Variants in CYP2C19 observed in about 807,000 individuals in gnomAD.
The protein encoded by CYP2C19 is cytochrome P450 2C19.
CYP2C19 carries 59 observed loss-of-function variants against 40.9 expected under a neutral mutation model. The observed-to-expected ratio is 1.44, with a 90% confidence interval of 1.17 to 1.79. The LOEUF is 1.79. CYP2C19 is among the 40% of genes most tolerant of loss of function. CYP2C19 has a pLI of 0.00. For synonymous variants in CYP2C19, 253 were observed against 208.7 expected, an observed-to-expected ratio of 1.21 and a Z score of -1.83; for missense variants, 754 against 596.9, an observed-to-expected ratio of 1.26 and a Z score of -2.74.
At chr10:94,800,472 C>T (rs369611873) in intron 5 of CYP2C19, among the ~76,000 whole-genome samples, 8 of 152,332 alleles carry the variant, frequency 5.3e-5, no homozygotes, top group South Asian at 4.1e-4. Context: ...TTAGGCTACA[C>T]GGGGTTCAGG....
intron 6 of CYP2C19, 88 bp downstream of exon 6, chr10:94,820,725 A>G (rs1849104731): frequency 6.6e-7 from 1 of 1,524,568 alleles, no homozygotes; most frequent in South Asian, 1.1e-5. Flanking sequence ...TCTCTTAGAG[A>G]AGTTCCATTA....
chr10:94,821,208 T>C (rs1243918723), intron 6 of CYP2C19, among the ~76,000 whole-genome samples: 1 of 152,196 alleles, frequency 6.6e-6, no homozygotes, highest in Admixed American at 6.5e-5. Context: ...TGGCCCAGTG[T>C]GTCTGGATTT....
chr10:94,804,547 T>C (rs377694040), intron 5 of CYP2C19, among the ~76,000 whole-genome samples: 7 of 152,358 alleles, frequency 4.6e-5, no homozygotes, highest in African/African-American at 1.7e-4. Flanking sequence ...CCTCTCAGCA[T>C]GTTCAAGCCT....
intron 6 of CYP2C19, among the ~76,000 whole-genome samples, chr10:94,827,648 T>C (rs1010601757): frequency 6.6e-6 from 1 of 152,228 alleles, no homozygotes; most frequent in South Asian, 2.1e-4. Flanking sequence ...AAGGGTCTTT[T>C]GTGTGTCTCT....
Position 94,780,532 on chromosome 10 carries a change from G to C in CYP2C19, c.515G>C (p.Cys172Ser). Residue 172 changes from cysteine (C) to serine (S), a missense_variant, in exon 4 of 9, where the codon TGT (cysteine) becomes TCT (serine). Physicochemically the swap from Cys to Ser is moderately radical, Grantham distance 112 (BLOSUM62 -1). Coordinates refer to ENST00000371321, the MANE Select transcript of CYP2C19 (RefSeq NM_000769.4). Reference sequence around the variant, plus strand: ...TGTGATCCCACTTTCATCCTGGGCTGTGCTCCCTGCAATGTGATCTGCTCC... The same window carrying C: ...TGTGATCCCACTTTCATCCTGGGCTCTGCTCCCTGCAATGTGATCTGCTCC... ...SPCDPTFILG[C>S]APCNVICSII... 3 of 1,613,734 alleles carry C rather than the reference G, an allele frequency of 1.9e-6. No homozygotes were observed. The highest frequency in any genetic ancestry group is 1.1e-5 in the South Asian group (1 of 91,066).
At chr10:94,803,377 T>C (rs979658449) in intron 5 of CYP2C19, among the ~76,000 whole-genome samples, 7 of 152,220 alleles carry the variant, frequency 4.6e-5, no homozygotes, top group Non-Finnish European at 4.4e-5. Context: ...CAGTTTGACA[T>C]ACATGTCAGT....
At chr10:94,830,687 T>G (rs913547195) in intron 6 of CYP2C19, among the ~76,000 whole-genome samples, 1 of 152,180 alleles carries the variant, frequency 6.6e-6, no homozygotes, top group Non-Finnish European at 1.5e-5. Flanking sequence ...TCCCCACATT[T>G]CATTATTTTT....
At chr10:94,845,287 T>C (rs754488519) in intron 7 of CYP2C19, among the ~76,000 whole-genome samples, 31 of 152,218 alleles carry the variant, frequency 2.0e-4, no homozygotes, top group Non-Finnish European at 3.5e-4. Context: ...AAAGCAGTCA[T>C]AGACAATGTA....
intron 6 of CYP2C19, 44 bp from the exon 7 acceptor site, chr10:94,842,793 C>T (rs1367316574): frequency 1.3e-6 from 2 of 1,597,232 alleles, no homozygotes; most frequent in South Asian, 1.1e-5. Context: ...AACAAATGTT[C>T]CATTTCTCTC....
At chr10:94,763,743 G>C (rs947536240) in intron 1 of CYP2C19, among the ~76,000 whole-genome samples, 1 of 151,974 alleles carries the variant, frequency 6.6e-6, no homozygotes, top group African/African-American at 2.4e-5. Context: ...GGAGAGCAGT[G>C]TTTGAAGGCC....
At chr10:94,783,065 A>G (rs1413704616) in intron 5 of CYP2C19, among the ~76,000 whole-genome samples, 4 of 152,174 alleles carry the variant, frequency 2.6e-5, no homozygotes, top group Admixed American at 2.6e-4. Context: ...CTATTTAACA[A>G]TCCTGCACGT....
At chr10:94,769,630 A>G (rs1848299728) in intron 1 of CYP2C19, among the ~76,000 whole-genome samples, 1 of 152,186 alleles carries the variant, frequency 6.6e-6, no homozygotes, top group Non-Finnish European at 1.5e-5. Context: ...GGGGTGTCGC[A>G]GGGACTGCTG....
chr10:94,825,356 G>C (rs1457919497), intron 6 of CYP2C19, among the ~76,000 whole-genome samples: 1 of 148,578 alleles, frequency 6.7e-6, no homozygotes, highest in African/African-American at 2.5e-5. Flanking sequence ...ATTCTAACTG[G>C]TGTGAGATGG....
At chr10:94,807,615 T>C (rs1848853061) in intron 5 of CYP2C19, among the ~76,000 whole-genome samples, 1 of 152,162 alleles carries the variant, frequency 6.6e-6, no homozygotes, top group Admixed American at 6.5e-5. Context: ...TCATTGTGGC[T>C]TTGATTTGAA....
intron 6 of CYP2C19, among the ~76,000 whole-genome samples, chr10:94,827,653 G>T (rs114767197): frequency 6.6e-6 from 1 of 152,090 alleles, no homozygotes; most frequent in Non-Finnish European, 1.5e-5. Flanking sequence ...TCTTTTGTGT[G>T]TCTCTTTCCT....
At chr10:94,832,559 A>T (rs1206639852) in intron 6 of CYP2C19, among the ~76,000 whole-genome samples, 1 of 152,176 alleles carries the variant, frequency 6.6e-6, no homozygotes, top group Non-Finnish European at 1.5e-5. Context: ...TTTGTCAAGA[A>T]TGAGTTCACT....
At chr10:94,795,920 TG>T (rs1285639614) in intron 5 of CYP2C19, among the ~76,000 whole-genome samples, 3 of 152,184 alleles carry the variant, frequency 2.0e-5, no homozygotes, top group African/African-American at 4.8e-5. Flanking sequence ...ATGAGTAGAT[TG>T]CAAAAATTTT....
At chr10:94,779,566 C>CTTTTCTTTTCTTTT (rs762886433) in intron 3 of CYP2C19, among the ~76,000 whole-genome samples, 10 of 142,382 alleles carry the variant, frequency 7.0e-5, no homozygotes, top group Admixed American at 7.1e-5. Context: ...CTTTTCTTTT[C>CTTTTCTTTTCTTTT]TTTTTTTTTT....
At chr10:94,767,096 T>C (rs1848255780) in intron 1 of CYP2C19, among the ~76,000 whole-genome samples, 2 of 152,150 alleles carry the variant, frequency 1.3e-5, no homozygotes, top group African/African-American at 4.8e-5. Context: ...AAAAAGGCCA[T>C]CCATACAGCA....
Sources: allele counts gnomAD v4.1 joint callset (sites outside exome capture counted in the v4.1 genomes callset), GRCh38; gene constraint gnomAD v4.1.1; transcripts MANE v1.5; gene names NCBI Gene and HGNC (gene_info 2026-07-23, HGNC 2026-07-21).